ARHGAP10: variants seen among roughly 807,000 people sequenced by gnomAD.
The protein encoded by ARHGAP10 is Rho GTPase activating protein 10, also known as rho GTPase-activating protein 10.
Under a neutral mutation model 108.6 loss-of-function variants are expected in ARHGAP10, and 87 were observed. That is an observed-to-expected ratio of 0.80 (90% CI 0.67 to 0.96). The LOEUF (loss-of-function observed/expected upper bound fraction) is 0.96. Among genes scored for constraint, ARHGAP10 ranks in the 40% least tolerant of loss-of-function variants. ARHGAP10 has a pLI of 0.00. For synonymous variants in ARHGAP10, 347 were observed against 341.1 expected, an observed-to-expected ratio of 1.02 and a Z score of -0.19; for missense variants, 939 against 954.5, an observed-to-expected ratio of 0.98 and a Z score of 0.21.
chr4:147,911,575 G>A (rs1401628208), intron 12 of ARHGAP10, among the ~76,000 whole-genome samples: 1 of 152,144 alleles, frequency 6.6e-6, no homozygotes, highest in East Asian at 1.9e-4. Flanking sequence ...TGTTAGCCAG[G>A]ATGGTCTTGA....
chr4:147,757,998 A>G (rs1447373066), intron 1 of ARHGAP10, among the ~76,000 whole-genome samples: 2 of 152,126 alleles, frequency 1.3e-5, no homozygotes, highest in Non-Finnish European at 2.9e-5. Context: ...GTGCACCCCT[A>G]TTGGTTTTAT....
At chr4:147,892,522 A>G (rs1478972917) in intron 10 of ARHGAP10, among the ~76,000 whole-genome samples, 2 of 152,152 alleles carry the variant, frequency 1.3e-5, no homozygotes, top group East Asian at 3.9e-4. Flanking sequence ...GAGGATTTAG[A>G]AGCAAGTAAC....
intron 14 of ARHGAP10, among the ~76,000 whole-genome samples, chr4:147,943,747 G>A (rs1020016925): frequency 6.6e-6 from 1 of 152,140 alleles, no homozygotes; most frequent in South Asian, 2.1e-4. Context: ...CCCTCCAAAT[G>A]TATTTTCACA....
At chr4:147,857,223 TTTC>T (rs1339055258) in intron 4 of ARHGAP10, among the ~76,000 whole-genome samples, 4 of 152,222 alleles carry the variant, frequency 2.6e-5, no homozygotes, top group Non-Finnish European at 5.9e-5. Context: ...TTATGTTATT[TTTC>T]TTACGTATTT....
At chr4:147,909,508 C>A (rs145907402) in intron 11 of ARHGAP10, among the ~76,000 whole-genome samples, 32 of 152,262 alleles carry the variant, frequency 2.1e-4, no homozygotes, top group African/African-American at 7.7e-4. Context: ...CCAAAAGGAT[C>A]TTGTTATGAA....
chr4:148,006,564 A>G (rs1000404357), intron 18 of ARHGAP10, among the ~76,000 whole-genome samples: 2 of 152,180 alleles, frequency 1.3e-5, no homozygotes, highest in Non-Finnish European at 2.9e-5. Context: ...ATCAACATAC[A>G]GAAGCTATGT....
chr4:147,874,885 G>A (rs1326818750), intron 7 of ARHGAP10, 136 bp from the exon 8 acceptor site: 5 of 887,828 alleles, frequency 5.6e-6, no homozygotes, highest in African/African-American at 3.5e-5. Flanking sequence ...GAAAGAATGG[G>A]GGTATTTTGA....
At chr4:148,054,518 C>A (rs2149684958) in intron 20 of ARHGAP10, among the ~76,000 whole-genome samples, 1 of 152,348 alleles carries the variant, frequency 6.6e-6, no homozygotes, top group Non-Finnish European at 1.5e-5. Context: ...ACCCCAACTT[C>A]CTGGTTCATC....
At position 148,001,192 on chromosome 4, in the gene ARHGAP10, T is replaced by G. The variant is rs149281346; in HGVS notation, c.1717-22071T>G. ...AGGGAATCCTTTCCCCATTTCCTAT[T>G]TTTGTCAGGTTTGTCAAAGATCATA... On this transcript the variant is annotated intron_variant, in intron 18 of 22. Coordinates refer to ENST00000336498, the MANE Select transcript of ARHGAP10 (RefSeq NM_024605.4). Among the ~76,000 whole-genome samples the G allele has an allele frequency of 8.3e-3, 1,260 of 152,346 alleles. 11 individuals carry two copies. The highest frequency in any genetic ancestry group is 0.022 in the African/African-American group (916 of 41,578).
chr4:147,871,100 C>T (rs893598111), intron 7 of ARHGAP10, among the ~76,000 whole-genome samples: 4 of 151,998 alleles, frequency 2.6e-5, no homozygotes, highest in Non-Finnish European at 5.9e-5. Context: ...GCTGGGACTA[C>T]AGGTGCCCGC....
At chr4:147,892,644 T>G (rs1476304433) in intron 10 of ARHGAP10, among the ~76,000 whole-genome samples, 1 of 152,110 alleles carries the variant, frequency 6.6e-6, no homozygotes, top group African/African-American at 2.4e-5. Flanking sequence ...TTTTTAAAAT[T>G]GACTCTTGAA....
At chr4:148,044,680 G>A (rs1331755672) in intron 19 of ARHGAP10, among the ~76,000 whole-genome samples, 1 of 152,146 alleles carries the variant, frequency 6.6e-6, no homozygotes, top group African/African-American at 2.4e-5. Flanking sequence ...CACAGGGAGG[G>A]GCTGGGGAAA....
chr4:147,943,007 G>T (rs1317020772), intron 14 of ARHGAP10, among the ~76,000 whole-genome samples: 1 of 152,226 alleles, frequency 6.6e-6, no homozygotes, highest in Non-Finnish European at 1.5e-5. Context: ...GCACAGTTTG[G>T]AAAGGCAGGG....
chr4:148,023,222 T>A, intron 18 of ARHGAP10, 41 bp from the exon 19 acceptor site: 1 of 1,607,924 alleles, frequency 6.2e-7, no homozygotes, highest in Non-Finnish European at 8.5e-7. Flanking sequence ...CAGGTTTCTG[T>A]TCATGGTAAA....
At chr4:148,063,408 C>A (rs1729715007) in intron 21 of ARHGAP10, 108 bp downstream of exon 21, 2 of 1,414,990 alleles carry the variant, frequency 1.4e-6, no homozygotes, top group Non-Finnish European at 9.6e-7. Flanking sequence ...TGCCCAGATA[C>A]CCCCAGCATC....
intron 13 of ARHGAP10, among the ~76,000 whole-genome samples, chr4:147,924,350 C>T (rs1737369218): frequency 6.6e-6 from 1 of 151,966 alleles, no homozygotes; most frequent in African/African-American, 2.4e-5. Context: ...TTTTTCAGCC[C>T]ATGAATTAAA....
At chr4:147,895,686 A>G (rs1216945940) in intron 10 of ARHGAP10, among the ~76,000 whole-genome samples, 1 of 133,888 alleles carries the variant, frequency 7.5e-6, no homozygotes, top group African/African-American at 3.0e-5. Flanking sequence ...ACCCTGTCTC[A>G]AAAAAAAAAA....
intron 1 of ARHGAP10, among the ~76,000 whole-genome samples, chr4:147,738,552 C>G (rs534982948): frequency 6.7e-6 from 1 of 149,092 alleles, no homozygotes; most frequent in East Asian, 1.9e-4. Flanking sequence ...GACTCTGTCT[C>G]CCCCCCCCAA....
At chr4:147,877,753 A>C (rs1735131882) in intron 8 of ARHGAP10, among the ~76,000 whole-genome samples, 1 of 150,196 alleles carries the variant, frequency 6.7e-6, no homozygotes, top group Non-Finnish European at 1.5e-5. Context: ...AAAGGGGTTC[A>C]GAGAGTGTTC....
Sources: gnomAD v4.1 joint callset for allele counts (sites outside exome capture counted in the v4.1 genomes callset) on GRCh38, gnomAD v4.1.1 for gene constraint, MANE v1.5 for transcripts, NCBI Gene and HGNC (gene_info 2026-07-23, HGNC 2026-07-21) for gene names.